The following RPGRIP1L variants were observed in gnomAD, a reference collection of about 807,000 sequenced individuals.
RPGRIP1L encodes the protein RPGRIP1 like.
A neutral mutation model predicts 160.4 loss-of-function variants in RPGRIP1L; 131 were observed. The observed-to-expected ratio is 0.82, with a 90% CI of 0.71 to 0.94. The LOEUF (loss-of-function observed/expected upper bound fraction) is 0.94, where lower values mean the gene tolerates loss of function less well. Ranked by LOEUF, RPGRIP1L falls within the 40% of genes least tolerant of loss-of-function variation. The pLI is 0.00. For synonymous variants in RPGRIP1L, 510 were observed against 515.8 expected, an observed-to-expected ratio of 0.99 and a Z score of 0.15; for missense variants, 1,522 against 1,535.8, an observed-to-expected ratio of 0.99 and a Z score of 0.15.
intron 23 of RPGRIP1L, among the ~76,000 whole-genome samples, chr16:53,619,968 T>A (rs572966016): frequency 6.6e-5 from 10 of 152,174 alleles, no homozygotes; most frequent in Admixed American, 1.3e-4. Context: ...ATTAATAGAC[T>A]AGGATTAGAA....
At chr16:53,653,177 T>C (rs1468901597) in intron 14 of RPGRIP1L, 190 bp from the exon 15 acceptor site, 7 of 429,010 alleles carry the variant, frequency 1.6e-5, no homozygotes, top group Non-Finnish European at 2.2e-5. Flanking sequence ...ACATCACTTA[T>C]TAGGCAGCAA....
At position 53,676,241 on chromosome 16, in the gene RPGRIP1L, A is replaced by G. The variant is rs118048389; in HGVS notation, c.777-1119T>C. Among the ~76,000 whole-genome samples the G allele has an allele frequency of 3.7e-3, 566 of 152,256 alleles. 3 individuals are homozygous for G. Among genetic ancestry groups the G allele is most frequent in the South Asian group, 0.019 (92 of 4,820 alleles). On this transcript the variant is annotated intron_variant, in intron 6 of 26. Coordinates refer to ENST00000647211, the MANE Select transcript of RPGRIP1L (RefSeq NM_015272.5). ...TGTCCTCACACAGAAGATAAACAAA[A>G]CCATGAATCCAAATTTTGCCCAGGG...
At chr16:53,624,817 C>T (rs1443308567) in intron 22 of RPGRIP1L, among the ~76,000 whole-genome samples, 1 of 139,498 alleles carries the variant, frequency 7.2e-6, no homozygotes, top group East Asian at 2.6e-4. Context: ...CCCTCTGTTG[C>T]CCAGGCTGGA....
chr16:53,619,282 AC>A, intron 23 of RPGRIP1L, 74 bp from the exon 24 acceptor site: 1 of 1,382,524 alleles, frequency 7.2e-7, no homozygotes, highest in Non-Finnish European at 1.0e-6. Flanking sequence ...ATTACTTTCC[AC>A]TATCAATTTT....
At chr16:53,687,814 C>A in intron 5 of RPGRIP1L, 49 bp downstream of exon 5, 1 of 1,094,794 alleles carries the variant, frequency 9.1e-7, no homozygotes, top group Non-Finnish European at 1.4e-6. Flanking sequence ...AAAAAAAAGA[C>A]ATTATCAATA....
chr16:53,648,605 T>TAC (rs1966720114), intron 16 of RPGRIP1L, among the ~76,000 whole-genome samples: 2 of 126,186 alleles, frequency 1.6e-5, no homozygotes, highest in Admixed American at 9.1e-5. Context: ...CACATATACG[T>TAC]ACGCGCGTGC....
At chr16:53,666,746 A>G (rs1165226617) in intron 9 of RPGRIP1L, among the ~76,000 whole-genome samples, 1 of 152,178 alleles carries the variant, frequency 6.6e-6, no homozygotes, top group Non-Finnish European at 1.5e-5. Context: ...TTCCAATAGC[A>G]TTAGTACCAG....
intron 22 of RPGRIP1L, among the ~76,000 whole-genome samples, chr16:53,624,895 G>C (rs1185131050): frequency 6.6e-6 from 1 of 151,856 alleles, no homozygotes; most frequent in African/African-American, 2.4e-5. Context: ...CCTGCCGAGT[G>C]CCTGGGATTG....
intron 24 of RPGRIP1L, among the ~76,000 whole-genome samples, chr16:53,615,472 ATT>A (rs1166401715): frequency 7.1e-4 from 53 of 75,050 alleles, no homozygotes; most frequent in Admixed American, 1.3e-3. Flanking sequence ...ATATATATAT[ATT>A]TTTTTTTTTT....
chr16:53,695,087 T>G, intron 3 of RPGRIP1L: 1 of 463,142 alleles, frequency 2.2e-6, no homozygotes, highest in East Asian at 3.2e-5. Flanking sequence ...TATTCAGTTG[T>G]TTTTTATTTT....
intron 11 of RPGRIP1L, 91 bp downstream of exon 11, chr16:53,658,681 G>T (rs1419319434): frequency 1.1e-6 from 1 of 919,488 alleles, no homozygotes; most frequent in Non-Finnish European, 1.7e-6. Context: ...ATATCTGTAT[G>T]CTTTCGCTTT....
chr16:53,638,373 T>C lies in RPGRIP1L; in HGVS notation c.2997A>G (p.Ser999=), dbSNP rs1165700039. The C allele has an allele frequency of 3.8e-6, 6 of 1,596,994 alleles. No homozygotes were observed. Among genetic ancestry groups the C allele is most frequent in the Middle Eastern group, 3.3e-4 (2 of 6,026 alleles). ...SPPPEDRKEI[S]PEVEHIPEIE... ...TTTCTGGTATATGCTCTACCTCTGG[T>C]GAAATTTCCTTCCTATCTTCAGGAG... The change falls in exon 20 of 27, where the codon TCA becomes TCG. Residue 999 remains serine (S), a synonymous_variant. Transcript: ENST00000647211.
intron 9 of RPGRIP1L, among the ~76,000 whole-genome samples, chr16:53,665,585 T>C (rs1182981225): frequency 1.3e-5 from 2 of 152,284 alleles, no homozygotes; most frequent in Admixed American, 6.5e-5. Flanking sequence ...AAAAACAGTT[T>C]TAGATGTAAC....
chr16:53,679,343 C>T (rs1030189690), intron 6 of RPGRIP1L, among the ~76,000 whole-genome samples: 3 of 152,012 alleles, frequency 2.0e-5, no homozygotes, highest in Non-Finnish European at 4.4e-5. Flanking sequence ...ACCATTTTTA[C>T]GGTCAAGTTT....
intron 24 of RPGRIP1L, among the ~76,000 whole-genome samples, chr16:53,613,768 T>A (rs1203593793): frequency 6.6e-6 from 1 of 152,244 alleles, no homozygotes; most frequent in Non-Finnish European, 1.5e-5. Flanking sequence ...TGATTGCCAC[T>A]ATTTACTGGG....
intron 7 of RPGRIP1L, among the ~76,000 whole-genome samples, chr16:53,673,233 G>A (rs1220416997): frequency 6.6e-6 from 1 of 152,152 alleles, no homozygotes; most frequent in African/African-American, 2.4e-5. Context: ...AAAATACAGG[G>A]TTATCTTAGC....
intron 26 of RPGRIP1L, 140 bp from the exon 27 acceptor site, chr16:53,602,328 A>G: frequency 4.3e-6 from 3 of 694,554 alleles, no homozygotes; most frequent in East Asian, 2.7e-5. Flanking sequence ...GGGTATCTAA[A>G]GAATAAACCT....
At chr16:53,670,941 A>T (rs1032845548) in intron 9 of RPGRIP1L, among the ~76,000 whole-genome samples, 8 of 152,182 alleles carry the variant, frequency 5.3e-5, no homozygotes, top group Admixed American at 1.3e-4. Context: ...CCAAAAAATT[A>T]AAAAAATTAG....
intron 22 of RPGRIP1L, among the ~76,000 whole-genome samples, chr16:53,624,150 T>C (rs1292652889): frequency 1.3e-5 from 2 of 152,226 alleles, no homozygotes; most frequent in Non-Finnish European, 2.9e-5. Context: ...CCTCGACCTC[T>C]CAAAGTGCCA....
Sources: allele counts gnomAD v4.1 joint callset (sites outside exome capture counted in the v4.1 genomes callset), GRCh38; gene constraint gnomAD v4.1.1; transcripts MANE v1.5; gene names NCBI Gene and HGNC (gene_info 2026-07-23, HGNC 2026-07-21).